The following RAB4A variants were observed in gnomAD, a reference collection of about 807,000 sequenced individuals.
RAB4A encodes the protein RAB4A, member RAS oncogene family.
A neutral mutation model predicts 34.5 loss-of-function variants in RAB4A; 20 were observed. That is an observed-to-expected ratio of 0.58 (90% CI 0.41 to 0.84). The LOEUF is 0.84. RAB4A is among the 40% of genes least tolerant of loss of function. The probability of loss-of-function intolerance (pLI) is 0.00; values close to 1 mark genes in which losing one functional copy is unlikely to be tolerated. For missense variants in RAB4A, 228 were observed against 274.5 expected (o/e 0.83, Z 1.20); for synonymous variants, 102 against 100.0 (o/e 1.02, Z -0.12).
Position 229,305,248 on chromosome 1 carries a change from A to G in RAB4A, c.*1455A>G. ...TATCTGAAGCAAATTCTCAGACTGA[A>G]CTACTTCTTAGACCTCACTGTAAGA... On this transcript the variant is annotated 3_prime_UTR_variant, in exon 8 of 8. Coordinates refer to ENST00000366690, the MANE Select transcript of RAB4A (RefSeq NM_004578.4). 6.2e-7 allele frequency: 1 copy of G among 1,607,666 alleles called. No homozygotes were observed. Among genetic ancestry groups the G allele is most frequent in the South Asian group, 1.1e-5 (1 of 89,318 alleles).
chr1:229,287,587 G>T (rs1440336406), intron 2 of RAB4A, among the ~76,000 whole-genome samples: 1 of 152,144 alleles, frequency 6.6e-6, no homozygotes, highest in Non-Finnish European at 1.5e-5. Flanking sequence ...CCCCTGCATG[G>T]TCCTCTCTGC....
At chr1:229,290,233 T>A (rs997557438) in intron 3 of RAB4A, among the ~76,000 whole-genome samples, 1 of 152,124 alleles carries the variant, frequency 6.6e-6, no homozygotes, top group African/African-American at 2.4e-5. Context: ...AGGTTCAGTC[T>A]TTTACGTTGA....
chr1:229,297,290 T>A (rs999876901), intron 4 of RAB4A, among the ~76,000 whole-genome samples, 192 bp from the exon 5 acceptor site: 1 of 152,268 alleles, frequency 6.6e-6, no homozygotes, highest in Non-Finnish European at 1.5e-5. Context: ...TGTCTCATTT[T>A]ACCAGAAACA....
At chr1:229,293,255 G>A (rs1233928630) in intron 3 of RAB4A, among the ~76,000 whole-genome samples, 1 of 152,090 alleles carries the variant, frequency 6.6e-6, no homozygotes, top group Non-Finnish European at 1.5e-5. Context: ...TTTTGTGGAG[G>A]TTTTATTACA....
chr1:229,301,874 G>A (rs1198607170), intron 6 of RAB4A, among the ~76,000 whole-genome samples: 2 of 151,560 alleles, frequency 1.3e-5, no homozygotes, highest in Non-Finnish European at 2.9e-5. Context: ...AATACATAAG[G>A]TACATATATA....
intron 4 of RAB4A, 59 bp from the exon 5 acceptor site, chr1:229,297,423 G>A: frequency 6.7e-7 from 1 of 1,500,254 alleles, no homozygotes; most frequent in Middle Eastern, 1.8e-4. Flanking sequence ...AGAATGACTG[G>A]AAAGAGTTGC....
chr1:229,294,893 A>G (rs976889069), intron 3 of RAB4A, among the ~76,000 whole-genome samples: 7 of 152,122 alleles, frequency 4.6e-5, no homozygotes, highest in Admixed American at 1.3e-4. Flanking sequence ...ATGGTGCAGC[A>G]TATTTCTGTT....
rs1558243625 is a variant in RAB4A at position 229,305,290 on chromosome 1, C to A, written c.*1497C>A. ...ACTGTAAGAATATTTTATTCAATGT[C>A]TCATTTATGATAGATTTGCAAGCTG... On this transcript the variant is annotated 3_prime_UTR_variant, in exon 8 of 8. Transcript: ENST00000366690. 6.3e-7 allele frequency: 1 copy of A among 1,594,624 alleles called. No homozygotes were observed.
chr1:229,274,232 T>G (rs1656579328), intron 1 of RAB4A, among the ~76,000 whole-genome samples: 1 of 151,058 alleles, frequency 6.6e-6, no homozygotes, highest in Non-Finnish European at 1.5e-5. Context: ...TTTTTTTTTT[T>G]TTTAATTTTT....
chr1:229,288,981 A>G, intron 3 of RAB4A, 138 bp downstream of exon 3: 1 of 645,208 alleles, frequency 1.5e-6, no homozygotes, highest in Non-Finnish European at 2.7e-6. Flanking sequence ...TCATTTTTGG[A>G]AACTTTGATT....
intron 1 of RAB4A, among the ~76,000 whole-genome samples, chr1:229,285,086 C>A (rs950923172): frequency 1.3e-5 from 2 of 152,174 alleles, no homozygotes; most frequent in Non-Finnish European, 2.9e-5. Flanking sequence ...CTCACTGCAG[C>A]CTTGAACCCC....
At chr1:229,276,146 G>T (rs74142364) in intron 1 of RAB4A, among the ~76,000 whole-genome samples, 1 of 151,402 alleles carries the variant, frequency 6.6e-6, no homozygotes, top group African/African-American at 2.5e-5. Flanking sequence ...TTCACTGAAA[G>T]CTGGTGAACA....
chr1:229,304,982 AAAGG>A lies in RAB4A; in HGVS notation c.*1190_*1193del. On this transcript the variant is annotated 3_prime_UTR_variant, in exon 8 of 8. Coordinates refer to ENST00000366690, the MANE Select transcript of RAB4A (RefSeq NM_004578.4). ...TGAAATGCAGTATTATTTAAATCTG[AAAGG>A]TTAAAAAGCTTTCTTCACCTTATAT... 1.2e-6 allele frequency: 1 copy of A among 831,942 alleles called. No individual in the cohort carries two copies. The highest frequency in any genetic ancestry group is 3.5e-5 in the East Asian group (1 of 28,564). 51.5% of individuals were successfully genotyped at this position (831,942 alleles called of 1,614,324 possible).
chr1:229,277,662 G>C (rs1656684255), intron 1 of RAB4A, among the ~76,000 whole-genome samples: 1 of 151,356 alleles, frequency 6.6e-6, no homozygotes. Flanking sequence ...CTAGGTCACT[G>C]CATTGTCCTT....
chr1:229,300,479 G>A (rs1044139296), intron 6 of RAB4A, among the ~76,000 whole-genome samples: 48 of 152,218 alleles, frequency 3.2e-4, no homozygotes, highest in Admixed American at 2.6e-3. Context: ...TTAGGCAGTA[G>A]CATCTTATGA....
At chr1:229,300,556 A>C (rs564930469) in intron 6 of RAB4A, among the ~76,000 whole-genome samples, 9 of 152,298 alleles carry the variant, frequency 5.9e-5, no homozygotes, top group African/African-American at 2.2e-4. Flanking sequence ...AGGAAGGGCC[A>C]GCAGGGGAGG....
intron 1 of RAB4A, among the ~76,000 whole-genome samples, chr1:229,278,235 CCTT>C (rs1346566647): frequency 2.0e-5 from 3 of 152,172 alleles, no homozygotes; most frequent in Non-Finnish European, 4.4e-5. Context: ...TCCACCTCGT[CCTT>C]CTTTTTCTTT....
chr1:229,274,049 C>CTTTTTTTT (rs11339660), intron 1 of RAB4A, among the ~76,000 whole-genome samples: 2 of 86,862 alleles, frequency 2.3e-5, no homozygotes, highest in Admixed American at 1.5e-4. Context: ...TTTTGTTTCC[C>CTTTTTTTT]TTTTTTTTTT....
chr1:229,304,470 A>G lies in RAB4A; in HGVS notation c.*677A>G, dbSNP rs139941575. On this transcript the variant is annotated 3_prime_UTR_variant, in exon 8 of 8. Coordinates refer to ENST00000366690, the MANE Select transcript of RAB4A (RefSeq NM_004578.4). ...CTTCATCCAGGTCAGTTCAGGAAGT[A>G]TATCTGGAGTACCTGCTCTGTTTTT... 2 of 152,314 alleles carry G rather than the reference A, an allele frequency of 1.3e-5. No homozygotes were observed. The highest frequency in any genetic ancestry group is 3.9e-4 in the East Asian group (2 of 5,182). The allele number at this position is 152,314 out of a possible 1,614,324, so 9.4% of individuals were successfully genotyped here. A position where few individuals can be genotyped will look rare whatever the true frequency, so the allele number is the denominator to read the frequency against.
Sources: gnomAD v4.1 joint callset for allele counts (sites outside exome capture counted in the v4.1 genomes callset) on GRCh38, gnomAD v4.1.1 for gene constraint, MANE v1.5 for transcripts, NCBI Gene and HGNC (gene_info 2026-07-23, HGNC 2026-07-21) for gene names.